PPFIA3: variants seen among roughly 807,000 people sequenced by gnomAD.
PPFIA3 encodes the protein liprin-alpha-3.
Under a neutral mutation model 145.8 loss-of-function variants are expected in PPFIA3, and 26 were observed. The ratio of observed to expected loss-of-function variants is 0.18; its 90% CI spans 0.13 to 0.25. The LOEUF (loss-of-function observed/expected upper bound fraction) is 0.25. PPFIA3 is among the 10% of genes least tolerant of loss of function. The pLI is 1.00. For synonymous variants in PPFIA3, 645 were observed against 661.4 expected, an observed-to-expected ratio of 0.98 and a Z score of 0.38; for missense variants, 1,008 against 1,587.8, an observed-to-expected ratio of 0.63 and a Z score of 6.21.
chr19:49,128,727 G>A lies in PPFIA3; in HGVS notation c.343-121G>A, dbSNP rs755781039. 4 of 1,030,196 alleles carry A rather than the reference G, an allele frequency of 3.9e-6. No homozygotes were observed. Among genetic ancestry groups the A allele is most frequent in the Non-Finnish European group, 4.2e-6 (3 of 708,920 alleles). The allele number at this position is 1,030,196 out of a possible 1,614,324, so 63.8% of individuals were successfully genotyped here. On this transcript the variant is annotated intron_variant, in intron 3 of 29. Coordinates refer to ENST00000334186, the MANE Select transcript of PPFIA3 (RefSeq NM_003660.4). The surrounding 1 kb of genome is among the most constrained non-coding windows in gnomAD (Gnocchi z 4.1). ...CTCCTCTCTTTTCCTGACCTGTCTCGGTGCTCCTTTATATGGCTCCATCTT... is the reference window on the plus strand; with the variant it reads ...CTCCTCTCTTTTCCTGACCTGTCTCAGTGCTCCTTTATATGGCTCCATCTT...
At chr19:49,137,760 C>T (rs1466593195) in intron 15 of PPFIA3, among the ~76,000 whole-genome samples, 1 of 151,932 alleles carries the variant, frequency 6.6e-6, no homozygotes, top group Non-Finnish European at 1.5e-5. Flanking sequence ...CCCCATGAGC[C>T]TTCGGCAAAT....
Position 49,142,155 on chromosome 19 carries a change from C to A in PPFIA3, c.2544+40C>A, listed in dbSNP as rs575553805. ...AAATGCCCTGACTGTTGGTCCCCAA[C>A]CCCTCTGACAGCCCCACTGGTAGGG... On this transcript the variant is annotated intron_variant, in intron 20 of 29. Coordinates refer to ENST00000334186, the MANE Select transcript of PPFIA3 (RefSeq NM_003660.4). 22 of 1,525,626 alleles carry A rather than the reference C, an allele frequency of 1.4e-5. No individual in the cohort carries two copies. The East Asian group carries it at 5.1e-4, about 36-fold the overall frequency. The allele number at this position is 1,525,626 out of a possible 1,614,324, so 94.5% of individuals were successfully genotyped here. A position where few individuals can be genotyped will look rare whatever the true frequency, so the allele number is the denominator to read the frequency against.
chr19:49,141,524 G>T lies in PPFIA3; in HGVS notation c.2462+11G>T. 1 of 1,607,518 alleles carries T rather than the reference G, an allele frequency of 6.2e-7. No individual in the cohort carries two copies. The highest frequency in any genetic ancestry group is 8.5e-7 in the Non-Finnish European group (1 of 1,174,220). ...AAGGAACAAGAGGAAGTGAGTGTGT[G>T]TGAGTGTGAGCGTGTGTGTGTGTAT... On this transcript the variant is annotated intron_variant, in intron 19 of 29. Transcript: ENST00000334186.
chr19:49,136,814 T>A lies in PPFIA3; in HGVS notation c.1756T>A (p.Phe586Ile). 2 of 1,592,564 alleles carry A rather than the reference T, an allele frequency of 1.3e-6. No homozygotes were observed. Among genetic ancestry groups the A allele is most frequent in the Non-Finnish European group, 1.7e-6 (2 of 1,169,702 alleles). The change falls in exon 15 of 30, where the codon TTT becomes ATT. Residue 586 changes from phenylalanine (F) to isoleucine (I), a missense_variant. By Grantham distance (21) the Phe-to-Ile change is conservative. Around this residue, in one of 11 missense-constraint regions of PPFIA3, gnomAD observed 121 missense variants for 138.2 expected, o/e 0.88. Coordinates refer to ENST00000334186, the MANE Select transcript of PPFIA3 (RefSeq NM_003660.4). ...GSDEEEAEGM[F>I]GAELLSPSGQ... ...CGATGAGGAGGAGGCAGAGGGGATG[T>A]TTGGGGCCGAGCTGCTGTCCCCCAG...
chr19:49,147,997 A>C, intron 23 of PPFIA3, 86 bp from the exon 24 acceptor site: 2 of 1,398,912 alleles, frequency 1.4e-6, no homozygotes. Context: ...AAAACCTTGG[A>C]TTGGGAGGTT....
At chr19:49,139,618 C>A (rs773145981) in intron 16 of PPFIA3, 50 bp from the exon 17 acceptor site, 2 of 1,514,002 alleles carry the variant, frequency 1.3e-6, no homozygotes, top group Admixed American at 2.1e-5. Context: ...TAAGGAGCCC[C>A]CGACATGACT....
At position 49,128,822 on chromosome 19, in the gene PPFIA3, C is replaced by A. The variant is rs4802565; in HGVS notation, c.343-26C>A. 920,381 of 1,554,512 alleles carry A rather than the reference C, an allele frequency of 0.59. 278,970 individuals are homozygous for A. Among genetic ancestry groups the A allele is most frequent in the African/African-American group, 0.86 (62,105 of 72,422 alleles). On this transcript the variant is annotated intron_variant, in intron 3 of 29. Transcript: ENST00000334186. The surrounding 1 kb of genome is among the most constrained non-coding windows in gnomAD (Gnocchi z 4.1). ...TGCCCCTTTTCCCTTGCCTCTTTTC[C>A]TTGACCCCATGCCGTGTGCTTGCAG...
intron 20 of PPFIA3, 90 bp downstream of exon 20, chr19:49,142,205 C>T: frequency 8.0e-7 from 1 of 1,254,382 alleles, no homozygotes; most frequent in African/African-American, 1.5e-5. Flanking sequence ...CTGGCGCACC[C>T]TGCTTCTAGC....
In PPFIA3 at chr19:49,149,155, C is replaced by A. The variant is rs1302116917; in HGVS notation, c.3272C>A (p.Thr1091Lys). The change falls in exon 26 of 30, where the codon ACG (threonine) becomes AAG (lysine). Residue 1091 changes from threonine to lysine, a missense_variant. Coordinates refer to ENST00000334186, the MANE Select transcript of PPFIA3 (RefSeq NM_003660.4). The surrounding 1 kb of genome is among the most constrained non-coding windows in gnomAD (Gnocchi z 5.7). ...CTGGCCTTGCTCCTGCAGATCCCCA[C>A]GCAGAATGCACAGGTGAGCTGCCGC... Reference protein sequence around the residue: ...SDLALLLQIPTQNAQARQLLE... With the variant: ...SDLALLLQIPKQNAQARQLLE... The A allele has an allele frequency of 6.2e-7, 1 of 1,614,008 alleles. No individual in the cohort carries two copies. The highest frequency in any genetic ancestry group is 1.3e-5 in the African/African-American group (1 of 75,052).
intron 15 of PPFIA3, 22 bp downstream of exon 15, chr19:49,136,933 G>GCCTGCCCTGC: frequency 6.7e-7 from 1 of 1,487,732 alleles, no homozygotes; most frequent in South Asian, 1.3e-5. Flanking sequence ...CCCCGCCCCG[G>GCCTGCCCTGC]CCTGCCCTGC....
rs1340098755 is a variant in PPFIA3, at chr19:49,130,335, C to G, written c.658-43C>G. The G allele has an allele frequency of 6.6e-7, 1 of 1,512,064 alleles. No homozygotes were observed. Among genetic ancestry groups the G allele is most frequent in the Non-Finnish European group, 9.0e-7 (1 of 1,115,284 alleles). 93.7% of individuals were successfully genotyped at this position (1,512,064 alleles called of 1,614,324 possible). ...TCTCCTTGGATTTCCTCTGTGTCTC[C>G]GGAGACACTCTGGGATCTTGTCCCC... On this transcript the variant is annotated intron_variant, in intron 6 of 29. Transcript: ENST00000334186. This position sits in a 1 kb window ranked among gnomAD's most constrained non-coding sequence, Gnocchi z 4.5.
chr19:49,149,201 C>CATGCGA lies in PPFIA3; in HGVS notation c.3285+33_3285+34insATGCGA, dbSNP rs760246002. On this transcript the variant is annotated intron_variant, in intron 26 of 29. Coordinates refer to ENST00000334186, the MANE Select transcript of PPFIA3 (RefSeq NM_003660.4). This position sits in a 1 kb window ranked among gnomAD's most constrained non-coding sequence, Gnocchi z 5.7. The stretch of plus-strand genomic sequence containing the variant: ...GCCGCTGGGCCCGGAGCATGCTGGG[C>CATGCGA]GTCCCCACCTCGCAGACTGCACGCT... The CATGCGA allele has an allele frequency of 1.3e-5, 21 of 1,613,640 alleles. No individual in the cohort carries two copies.
rs747580456 is a variant in PPFIA3, at chr19:49,134,920, C to T, written c.1520+5C>T. 1.3e-6 allele frequency: 2 copies of T among 1,556,430 alleles called. No homozygotes were observed. Among genetic ancestry groups the T allele is most frequent in the Non-Finnish European group, 8.7e-7 (1 of 1,149,676 alleles). ...GCCACCATCCTCCTACTCCAGGTGACAGCAGCCCTTCTGCCCTGCCCCCAC... is the reference window on the plus strand; with the variant it reads ...GCCACCATCCTCCTACTCCAGGTGATAGCAGCCCTTCTGCCCTGCCCCCAC... On this transcript the variant is annotated splice_donor_5th_base_variant and intron_variant, in intron 13 of 29. Coordinates refer to ENST00000334186, the MANE Select transcript of PPFIA3 (RefSeq NM_003660.4).
chr19:49,133,063 C>T lies in PPFIA3; in HGVS notation c.942C>T (p.Ser314=), dbSNP rs2122571449. The T allele has an allele frequency of 6.2e-7, 1 of 1,613,108 alleles. No homozygotes were observed. The highest frequency in any genetic ancestry group is 8.5e-7 in the Non-Finnish European group (1 of 1,179,952). Residue 314 remains serine, a synonymous_variant, in exon 8 of 30, where the codon AGC becomes AGT. Coordinates refer to ENST00000334186, the MANE Select transcript of PPFIA3 (RefSeq NM_003660.4). The surrounding 1 kb of genome is among the most constrained non-coding windows in gnomAD (Gnocchi z 7.2). ...RITTLEKRYL[S]AQREATSLHD... ...CAACACTGGAGAAGCGCTACCTGAGCGCCCAGCGGGAGGCCACGTCTCTGC... is the reference window on the plus strand; with the variant it reads ...CAACACTGGAGAAGCGCTACCTGAGTGCCCAGCGGGAGGCCACGTCTCTGC...
At position 49,139,730 on chromosome 19, in the gene PPFIA3, C is replaced by T; in HGVS notation, c.2139C>T (p.Asp713=). Residue 713 remains aspartate (D), a synonymous_variant, in exon 17 of 30, where the codon GAC becomes GAT. Coordinates refer to ENST00000334186, the MANE Select transcript of PPFIA3 (RefSeq NM_003660.4). ...PRGEGPAIPG[D]TPPPTPRSAR... is the part of the protein sequence containing the mutation. Reference sequence around the variant, plus strand: ...GGGAGGGGCCGGCCATCCCAGGAGACACCCCACCACCCACTCCCCGCTCTG... The same window carrying T: ...GGGAGGGGCCGGCCATCCCAGGAGATACCCCACCACCCACTCCCCGCTCTG... 1 of 1,613,804 alleles carries T rather than the reference C, an allele frequency of 6.2e-7. No individual in the cohort carries two copies. The highest frequency in any genetic ancestry group is 8.5e-7 in the Non-Finnish European group (1 of 1,179,824).
chr19:49,134,742 G>A (rs2041116939), intron 12 of PPFIA3, 41 bp downstream of exon 12: 1 of 1,612,318 alleles, frequency 6.2e-7, no homozygotes, highest in East Asian at 2.2e-5. Flanking sequence ...TGTTGGGGCA[G>A]TGGTTGCTGA....
At chr19:49,123,905 G>A (rs1031065164) in intron 1 of PPFIA3, among the ~76,000 whole-genome samples, 1 of 151,998 alleles carries the variant, frequency 6.6e-6, no homozygotes, top group African/African-American at 2.4e-5. Context: ...TCCTCCATCT[G>A]CCACTTTGGC....
At position 49,133,500 on chromosome 19, in the gene PPFIA3, G is replaced by A. The variant is rs2041100466; in HGVS notation, c.1161+129G>A. The A allele has an allele frequency of 3.3e-6, 4 of 1,220,326 alleles. No homozygotes were observed. The highest frequency in any genetic ancestry group is 5.1e-5 in the East Asian group (2 of 39,148). 75.6% of individuals were successfully genotyped at this position (1,220,326 alleles called of 1,614,324 possible). ...ATTTGGGGGAAAGGGTGGGGCCTAG[G>A]GGCTGGGAAAGGGACAGGACTTGGA... On this transcript the variant is annotated intron_variant, in intron 9 of 29. Coordinates refer to ENST00000334186, the MANE Select transcript of PPFIA3 (RefSeq NM_003660.4). This position sits in a 1 kb window ranked among gnomAD's most constrained non-coding sequence, Gnocchi z 7.2.
chr19:49,139,533 G>T, intron 16 of PPFIA3, 135 bp from the exon 17 acceptor site: 51 of 555,826 alleles, frequency 9.2e-5, no homozygotes, highest in Non-Finnish European at 1.2e-4. Flanking sequence ...ACCCTGACTT[G>T]AGCTAGACTA....
Sources: allele counts gnomAD v4.1 joint callset (sites outside exome capture counted in the v4.1 genomes callset), GRCh38; gene constraint gnomAD v4.1.1; regional missense constraint gnomAD v4.1.1; non-coding constraint Gnocchi (gnomAD v3.1); transcripts MANE v1.5; gene names NCBI Gene and HGNC (gene_info 2026-07-23, HGNC 2026-07-21).